Variants in SCHIP1 observed in about 807,000 individuals in gnomAD.
SCHIP1 encodes schwannomin-interacting protein 1.
A neutral mutation model predicts 29.7 loss-of-function variants in SCHIP1; 8 were observed. That is an observed-to-expected ratio of 0.27 (90% confidence interval 0.16 to 0.49). SCHIP1 has a LOEUF of 0.49. Among genes scored for constraint, SCHIP1 ranks in the 20% least tolerant of loss-of-function variants. The pLI is 0.99. For missense variants in SCHIP1, 193 were observed against 294.6 expected (o/e 0.66, Z 2.52); for synonymous variants, 76 against 94.9 (o/e 0.80, Z 1.16).
At chr3:159,542,166 C>T in the SCHIP1 span, among the ~76,000 whole-genome samples, 8 of 152,190 alleles carry the variant, frequency 5.3e-5, no homozygotes, top group Admixed American at 4.6e-4. Context: ...CAGAAATCCT[C>T]TGTTAGATCA....
At chr3:159,432,230 A>G in the SCHIP1 span, among the ~76,000 whole-genome samples, 1 of 150,722 alleles carries the variant, frequency 6.6e-6, no homozygotes, top group African/African-American at 2.4e-5. Context: ...GGACCTCTCT[A>G]TAGGGCTGCT....
chr3:159,405,771 T>TACTC, the SCHIP1 span, among the ~76,000 whole-genome samples: 2 of 151,290 alleles, frequency 1.3e-5, no homozygotes, highest in Non-Finnish European at 2.9e-5. Context: ...TAATCCCAGC[T>TACTC]ACTCAGGAGG....
chr3:159,815,395 G>A, the SCHIP1 span, among the ~76,000 whole-genome samples: 1 of 152,130 alleles, frequency 6.6e-6, no homozygotes, highest in African/African-American at 2.4e-5. Context: ...GGGGAGAAAC[G>A]TGGCTTTCCA....
the SCHIP1 span, chr3:159,764,770 A>G: frequency 6.4e-7 from 1 of 1,569,992 alleles, no homozygotes; most frequent in Non-Finnish European, 8.6e-7. The surrounding 1 kb of genome is among the most constrained non-coding windows in gnomAD (Gnocchi z 6.1). Flanking sequence ...CAGGACCCGC[A>G]GCGGCGGCGG....
the SCHIP1 span, among the ~76,000 whole-genome samples, chr3:159,475,666 C>G: frequency 6.6e-6 from 1 of 152,000 alleles, no homozygotes; most frequent in East Asian, 1.9e-4. Context: ...ATAGAGCTCC[C>G]CTCTTAACCC....
chr3:159,783,921 A>G, the SCHIP1 span, among the ~76,000 whole-genome samples: 1 of 152,344 alleles, frequency 6.6e-6, no homozygotes, highest in Admixed American at 6.5e-5. Context: ...TTGTAATGCC[A>G]GGTGCCAACA....
chr3:159,352,344 C>G, the SCHIP1 span, among the ~76,000 whole-genome samples: 2 of 152,170 alleles, frequency 1.3e-5, no homozygotes, highest in Non-Finnish European at 2.9e-5. Flanking sequence ...AATCCTCTTA[C>G]GTAGGTAGGT....
At chr3:159,552,228 TAG>T in the SCHIP1 span, among the ~76,000 whole-genome samples, 65 of 151,914 alleles carry the variant, frequency 4.3e-4, no homozygotes, top group Non-Finnish European at 7.9e-4. Context: ...GTATTTTTAG[TAG>T]AGATAGGGTT....
the SCHIP1 span, among the ~76,000 whole-genome samples, chr3:159,814,334 G>A: frequency 5.9e-5 from 9 of 152,188 alleles, no homozygotes; most frequent in African/African-American, 1.9e-4. Context: ...TTTACTGCCT[G>A]TATTCCCTCA....
the SCHIP1 span, among the ~76,000 whole-genome samples, chr3:159,504,815 C>T: frequency 1.3e-5 from 2 of 151,980 alleles, no homozygotes; most frequent in East Asian, 3.8e-4. Context: ...ATATAATAAC[C>T]CCCGTTTTCA....
intron 2 of SCHIP1, among the ~76,000 whole-genome samples, chr3:159,871,211 G>T (rs1327274828): frequency 6.6e-6 from 1 of 151,878 alleles, no homozygotes; most frequent in Non-Finnish European, 1.5e-5. Flanking sequence ...GACACTAAAA[G>T]CTGTTTATAA....
chr3:159,725,545 G>A, the SCHIP1 span, among the ~76,000 whole-genome samples: 1 of 152,124 alleles, frequency 6.6e-6, no homozygotes, highest in South Asian at 2.1e-4. Context: ...AATCACAGGC[G>A]TGAGCCACCA....
chr3:159,747,984 T>C, the SCHIP1 span, among the ~76,000 whole-genome samples: 1 of 152,228 alleles, frequency 6.6e-6, no homozygotes, highest in Non-Finnish European at 1.5e-5. Context: ...ATTTTGATCA[T>C]AAAGTTTCAT....
chr3:159,803,563 T>C, the SCHIP1 span, among the ~76,000 whole-genome samples: 1 of 152,212 alleles, frequency 6.6e-6, no homozygotes, highest in Non-Finnish European at 1.5e-5. Context: ...CCTAAGGAAT[T>C]AGATCATGCA....
chr3:159,863,643 C>T (rs751954485), intron 1 of SCHIP1, among the ~76,000 whole-genome samples: 12 of 152,084 alleles, frequency 7.9e-5, no homozygotes, highest in Non-Finnish European at 1.6e-4. Context: ...AAAATGTTAG[C>T]AATCATGTCT....
chr3:159,446,421 G>C, the SCHIP1 span, among the ~76,000 whole-genome samples: 1 of 151,548 alleles, frequency 6.6e-6, no homozygotes, highest in Non-Finnish European at 1.5e-5. Flanking sequence ...CAATATTGTT[G>C]CAATACAGCA....
chr3:159,535,182 A>C, the SCHIP1 span, among the ~76,000 whole-genome samples: 3 of 152,188 alleles, frequency 2.0e-5, no homozygotes, highest in African/African-American at 7.2e-5. Flanking sequence ...ACAAAATTGC[A>C]TAATATTTTT....
chr3:159,713,661 A>T, the SCHIP1 span, among the ~76,000 whole-genome samples: 3 of 152,198 alleles, frequency 2.0e-5, no homozygotes, highest in African/African-American at 7.2e-5. Context: ...GCATCCTTTG[A>T]TTCAGGGGGT....
chr3:159,339,613 T>C, the SCHIP1 span, among the ~76,000 whole-genome samples: 37 of 152,216 alleles, frequency 2.4e-4, no homozygotes, highest in Non-Finnish European at 5.3e-4. Flanking sequence ...AATAGTTTGA[T>C]AGATGTGCCT....
Sources: gnomAD v4.1 joint callset for allele counts (sites outside exome capture counted in the v4.1 genomes callset) on GRCh38, gnomAD v4.1.1 for gene constraint, Gnocchi (gnomAD v3.1) non-coding constraint, MANE v1.5 for transcripts, NCBI Gene and HGNC (gene_info 2026-07-23, HGNC 2026-07-21) for gene names.